The following SGCD variants were observed in gnomAD, a reference collection of about 807,000 sequenced individuals.
SGCD encodes delta-sarcoglycan.
A neutral mutation model predicts 36.6 loss-of-function variants in SGCD; 18 were observed. The ratio of observed to expected loss-of-function variants is 0.49; its 90% CI spans 0.34 to 0.73. The LOEUF (loss-of-function observed/expected upper bound fraction) is 0.73, where lower values mean the gene tolerates loss of function less well. SGCD is among the 30% of genes least tolerant of loss of function. SGCD has a pLI of 0.01. For synonymous variants in SGCD, 133 were observed against 130.6 expected (o/e 1.02, Z -0.12); for missense variants, 387 against 346.7 (o/e 1.12, Z -0.92).
At chr5:156,405,851 G>A (rs1216185493) in intron 3 of SGCD, among the ~76,000 whole-genome samples, 1 of 151,932 alleles carries the variant, frequency 6.6e-6, no homozygotes, top group African/African-American at 2.4e-5. Flanking sequence ...GCTGAGTCTG[G>A]CCAGATACCT....
chr5:156,321,247 A>G (rs1767656186), intron 3 of SGCD, among the ~76,000 whole-genome samples: 2 of 151,976 alleles, frequency 1.3e-5, no homozygotes, highest in Admixed American at 1.3e-4. Flanking sequence ...GTGAAACCCC[A>G]TCTCTACTAA....
At position 156,765,923 on chromosome 5, in the gene SGCD, TATACTAAAGTATAG is replaced by T. The variant is rs1020605115; in HGVS notation, c.*6538_*6551del. On this transcript the variant is annotated 3_prime_UTR_variant, in exon 9 of 9. Coordinates refer to ENST00000337851, the MANE Select transcript of SGCD (RefSeq NM_000337.6). ...TGTAGTCTCTCACAGTGACAGCATC[TATACTAAAGTATAG>T]ATACCTAAGGGGAAAATATAGAAAG... The T allele has an allele frequency of 6.6e-6, 1 of 152,028 alleles. No homozygotes were observed. The highest frequency in any genetic ancestry group is 1.5e-5 in the Non-Finnish European group (1 of 68,032). 9.4% of individuals were successfully genotyped at this position (152,028 alleles called of 1,614,324 possible).
intron 3 of SGCD, among the ~76,000 whole-genome samples, chr5:156,242,887 A>G (rs1765340318): frequency 1.3e-5 from 2 of 152,142 alleles, no homozygotes; most frequent in Non-Finnish European, 2.9e-5. Flanking sequence ...AGGCAGATAG[A>G]GGGGTCCACA....
chr5:156,553,408 C>T (rs111751755), intron 4 of SGCD, among the ~76,000 whole-genome samples: 2,004 of 152,272 alleles, frequency 0.013, 18 homozygotes, highest in Middle Eastern at 0.02. Context: ...TGTATTTGAG[C>T]ACCTGCCCAG....
At chr5:156,142,263 A>G (rs965811969) in intron 3 of SGCD, among the ~76,000 whole-genome samples, 54 of 152,302 alleles carry the variant, frequency 3.5e-4, no homozygotes, top group African/African-American at 1.3e-3. Flanking sequence ...TACTTCCTGT[A>G]CGGTCTGCAG....
chr5:156,403,052 C>G (rs891676841), intron 3 of SGCD, among the ~76,000 whole-genome samples: 1 of 152,134 alleles, frequency 6.6e-6, no homozygotes, highest in Non-Finnish European at 1.5e-5. Flanking sequence ...TTATGTTTAT[C>G]CTAATTGTTT....
At chr5:156,225,541 G>A (rs913779867) in intron 3 of SGCD, among the ~76,000 whole-genome samples, 2 of 152,178 alleles carry the variant, frequency 1.3e-5, no homozygotes, top group East Asian at 1.9e-4. Flanking sequence ...CTGTGCCTCC[G>A]ACAATTTTGT....
chr5:155,926,624 A>G (rs1387357704), intron 1 of SGCD, among the ~76,000 whole-genome samples: 4 of 152,236 alleles, frequency 2.6e-5, no homozygotes, highest in African/African-American at 9.6e-5. Flanking sequence ...TAAGTAGAAA[A>G]TAATTTATGT....
intron 3 of SGCD, among the ~76,000 whole-genome samples, chr5:156,206,051 T>G (rs1330357073): frequency 6.7e-6 from 1 of 149,596 alleles, no homozygotes; most frequent in Non-Finnish European, 1.5e-5. Flanking sequence ...AATATGTGCA[T>G]CTATGTCCAT....
At chr5:156,144,565 G>A (rs534714422) in intron 3 of SGCD, among the ~76,000 whole-genome samples, 11 of 152,170 alleles carry the variant, frequency 7.2e-5, no homozygotes, top group South Asian at 4.2e-4. Context: ...CATATCCTTC[G>A]CCCACTTGTT....
chr5:156,589,528 CT>C (rs1760636945), intron 5 of SGCD, among the ~76,000 whole-genome samples: 1 of 152,132 alleles, frequency 6.6e-6, no homozygotes, highest in Non-Finnish European at 1.5e-5. Flanking sequence ...ATGATACCTA[CT>C]TAGTGGGGTA....
intron 3 of SGCD, among the ~76,000 whole-genome samples, chr5:156,288,936 G>T (rs1766686943): frequency 6.6e-6 from 1 of 151,792 alleles, no homozygotes; most frequent in Non-Finnish European, 1.5e-5. Context: ...ATTATTTTTT[G>T]CCCCCATGGC....
intron 4 of SGCD, among the ~76,000 whole-genome samples, chr5:156,554,205 A>C (rs1758910596): frequency 2.0e-5 from 3 of 152,010 alleles, no homozygotes; most frequent in African/African-American, 7.2e-5. Context: ...AAAACACAAA[A>C]ATTAGCCAGG....
chr5:155,829,983 ACAAT>A, the SGCD span, among the ~76,000 whole-genome samples: 1 of 152,216 alleles, frequency 6.6e-6, no homozygotes, highest in Non-Finnish European at 1.5e-5. Context: ...AACCAAAGTA[ACAAT>A]ATGTAGTAGA....
At chr5:155,778,365 C>T in the SGCD span, among the ~76,000 whole-genome samples, 10,189 of 152,158 alleles carry the variant, frequency 0.067, 1,082 homozygotes, top group African/African-American at 0.23. Flanking sequence ...AATATATCGA[C>T]TGCATTACCA....
chr5:156,654,337 G>A (rs1261369956), intron 7 of SGCD, among the ~76,000 whole-genome samples: 4 of 152,122 alleles, frequency 2.6e-5, no homozygotes, highest in African/African-American at 4.8e-5. Context: ...GATAATGTCT[G>A]CCAAATGATT....
chr5:156,032,190 A>C (rs1243797296), intron 1 of SGCD, among the ~76,000 whole-genome samples: 1 of 151,972 alleles, frequency 6.6e-6, no homozygotes, highest in Non-Finnish European at 1.5e-5. Context: ...GTCAATAAAC[A>C]TACTTCTACA....
At chr5:156,125,658 G>A (rs972998110) in intron 3 of SGCD, among the ~76,000 whole-genome samples, 1 of 151,672 alleles carries the variant, frequency 6.6e-6, no homozygotes, top group African/African-American at 2.4e-5. Context: ...GGAAGTTTCA[G>A]TATAAATACT....
chr5:156,329,758 CT>C (rs1767977735), intron 2 of SGCD, among the ~76,000 whole-genome samples, 179 bp downstream of exon 2: 1 of 152,100 alleles, frequency 6.6e-6, no homozygotes. Flanking sequence ...TGGCTCACGC[CT>C]GTAATCCCAG....
Sources: allele counts gnomAD v4.1 joint callset (sites outside exome capture counted in the v4.1 genomes callset), GRCh38; gene constraint gnomAD v4.1.1; transcripts MANE v1.5; gene names NCBI Gene and HGNC (gene_info 2026-07-23, HGNC 2026-07-21).